The following XKR4 variants were observed in gnomAD, a reference collection of about 807,000 sequenced individuals.
The protein encoded by XKR4 is XK-related protein 4.
A neutral mutation model predicts 53.9 loss-of-function variants in XKR4; 12 were observed. That is an observed-to-expected ratio of 0.22 (90% CI 0.14 to 0.36). The LOEUF is 0.36. Among genes scored for constraint, XKR4 ranks in the 10% least tolerant of loss-of-function variants. The pLI, the probability that XKR4 is intolerant of heterozygous loss-of-function variation, is 1.00. For missense variants in XKR4, 799 were observed against 859.5 expected (o/e 0.93, Z 0.88); for synonymous variants, 354 against 362.4 (o/e 0.98, Z 0.26).
At chr8:55,119,131 C>T (rs1201691721) in intron 1 of XKR4, among the ~76,000 whole-genome samples, 1 of 152,160 alleles carries the variant, frequency 6.6e-6, no homozygotes, top group African/African-American at 2.4e-5. Context: ...AGCACGCACA[C>T]GTTATTAAAA....
chr8:55,260,599 G>A (rs2129371074), intron 1 of XKR4, among the ~76,000 whole-genome samples: 1 of 152,282 alleles, frequency 6.6e-6, no homozygotes, highest in East Asian at 1.9e-4. Context: ...AGAGAGAGGG[G>A]CCTGCAAGTG....
At chr8:55,452,128 C>T in intron 2 of XKR4, 2 of 699,324 alleles carry the variant, frequency 2.9e-6, no homozygotes, top group Non-Finnish European at 5.2e-6. Context: ...GTGGCCCTGA[C>T]ATCCGGTGTG....
At chr8:55,471,189 T>G (rs150438987) in intron 2 of XKR4, among the ~76,000 whole-genome samples, 1,532 of 152,180 alleles carry the variant, frequency 0.01, 21 homozygotes, top group South Asian at 0.04. Context: ...ACAGTACATG[T>G]GAACAGTTCC....
intron 1 of XKR4, among the ~76,000 whole-genome samples, chr8:55,246,879 C>T (rs896680386): frequency 3.9e-5 from 6 of 152,080 alleles, no homozygotes; most frequent in African/African-American, 1.2e-4. Context: ...CCCAGAGAGT[C>T]GTGGAGATCC....
At chr8:55,359,610 G>A (rs532719135) in intron 2 of XKR4, among the ~76,000 whole-genome samples, 401 of 152,294 alleles carry the variant, frequency 2.6e-3, no homozygotes, top group Non-Finnish European at 4.8e-3. Context: ...AGGAGCACAC[G>A]TGGAGGGTTG....
At chr8:55,304,386 T>C (rs1030184172) in intron 1 of XKR4, among the ~76,000 whole-genome samples, 7 of 152,176 alleles carry the variant, frequency 4.6e-5, no homozygotes, top group African/African-American at 1.7e-4. Flanking sequence ...TTGTGTTCTT[T>C]TACATTTGCT....
chr8:55,140,013 C>T, intron 1 of XKR4: 2 of 249,842 alleles, frequency 8.0e-6, no homozygotes, highest in Non-Finnish European at 1.6e-5. Context: ...CAGTTAATTT[C>T]TAAGGTACCA....
intron 2 of XKR4, among the ~76,000 whole-genome samples, chr8:55,378,667 A>G (rs1804185444): frequency 6.6e-6 from 1 of 152,204 alleles, no homozygotes; most frequent in African/African-American, 2.4e-5. Context: ...CTATACTCAC[A>G]ATAAAAACTT....
At chr8:55,200,654 A>G (rs188008914) in intron 1 of XKR4, among the ~76,000 whole-genome samples, 22 of 152,344 alleles carry the variant, frequency 1.4e-4, no homozygotes, top group African/African-American at 4.8e-4. Flanking sequence ...TTGCAATAAT[A>G]TGTTGACACA....
chr8:55,216,594 GCA>G (rs1817802547), intron 1 of XKR4, among the ~76,000 whole-genome samples: 1 of 152,050 alleles, frequency 6.6e-6, no homozygotes, highest in Non-Finnish European at 1.5e-5. Context: ...GGGTGTGGTG[GCA>G]CATGCCTGTA....
chr8:55,123,428 G>A (rs1472648607), intron 1 of XKR4, among the ~76,000 whole-genome samples: 2 of 152,204 alleles, frequency 1.3e-5, no homozygotes, highest in Non-Finnish European at 2.9e-5. Flanking sequence ...TTAGCAGCTG[G>A]CATCAGGCCA....
At chr8:55,453,314 A>G (rs922647449) in intron 2 of XKR4, 7 of 482,172 alleles carry the variant, frequency 1.5e-5, no homozygotes, top group African/African-American at 1.4e-4. Context: ...ACTGATGACA[A>G]AGTCAAACTG....
intron 2 of XKR4, among the ~76,000 whole-genome samples, chr8:55,438,853 A>G (rs889577785): frequency 6.6e-6 from 1 of 152,210 alleles, no homozygotes; most frequent in African/African-American, 2.4e-5. Context: ...TGGAGCAACA[A>G]GTATGATGCT....
intron 1 of XKR4, among the ~76,000 whole-genome samples, chr8:55,134,765 T>C (rs1177364848): frequency 1.3e-5 from 2 of 152,250 alleles, no homozygotes; most frequent in African/African-American, 2.4e-5. Flanking sequence ...CAAGTTGTTT[T>C]GTGAAACTTC....
intron 2 of XKR4, among the ~76,000 whole-genome samples, chr8:55,464,929 G>A (rs1165228311): frequency 1.3e-5 from 2 of 152,026 alleles, no homozygotes; most frequent in South Asian, 4.1e-4. Flanking sequence ...CAACTTACAA[G>A]GGATGTGAAG....
intron 1 of XKR4, among the ~76,000 whole-genome samples, chr8:55,299,174 C>A (rs553247694): frequency 5.3e-5 from 8 of 152,132 alleles, no homozygotes; most frequent in Non-Finnish European, 1.2e-4. Flanking sequence ...ACCAGCCAGT[C>A]GTTTTATAGA....
At chr8:55,500,536 C>G (rs1466177730) in intron 2 of XKR4, among the ~76,000 whole-genome samples, 1 of 152,292 alleles carries the variant, frequency 6.6e-6, no homozygotes, top group Admixed American at 6.5e-5. Flanking sequence ...ATCTTACAGT[C>G]TAGCTCACCA....
chr8:55,456,202 C>T (rs896577601), intron 2 of XKR4, among the ~76,000 whole-genome samples: 13 of 152,092 alleles, frequency 8.5e-5, no homozygotes, highest in Admixed American at 3.3e-4. Context: ...AAGGCCAAGG[C>T]GGGCGGATCA....
At chr8:55,107,164 T>C (rs969683513) in intron 1 of XKR4, among the ~76,000 whole-genome samples, 2 of 152,288 alleles carry the variant, frequency 1.3e-5, no homozygotes, top group Admixed American at 1.3e-4. Flanking sequence ...TTTCTACTTT[T>C]TATGTCATCT....
Sources: gnomAD v4.1 joint callset for allele counts (sites outside exome capture counted in the v4.1 genomes callset) on GRCh38, gnomAD v4.1.1 for gene constraint, MANE v1.5 for transcripts, NCBI Gene and HGNC (gene_info 2026-07-23, HGNC 2026-07-21) for gene names.